Variants in EGFR observed in about 807,000 individuals in gnomAD.
EGFR encodes the protein epidermal growth factor receptor.
Under a neutral mutation model 143.0 loss-of-function variants are expected in EGFR, and 58 were observed. The ratio of observed to expected loss-of-function variants is 0.41; its 90% CI spans 0.33 to 0.50. The LOEUF (loss-of-function observed/expected upper bound fraction) is 0.50, where lower values mean the gene tolerates loss of function less well. EGFR is among the 20% of genes least tolerant of loss of function. The probability of loss-of-function intolerance (pLI) is 0.39; values close to 1 mark genes in which losing one functional copy is unlikely to be tolerated. For missense variants in EGFR, 1,307 were observed against 1,579.0 expected, an observed-to-expected ratio of 0.83 and a Z score of 2.92; for synonymous variants, 613 against 594.4, an observed-to-expected ratio of 1.03 and a Z score of -0.45.
chr7:55,204,868 CACAT>C (rs1464502172), intron 27 of EGFR, among the ~76,000 whole-genome samples: 4 of 151,328 alleles, frequency 2.6e-5, no homozygotes, highest in Admixed American at 6.6e-5. Flanking sequence ...ACACCACACA[CACAT>C]ACAAATATAC....
chr7:55,120,554 T>C (rs1238101261), intron 1 of EGFR, among the ~76,000 whole-genome samples: 3 of 152,170 alleles, frequency 2.0e-5, no homozygotes, highest in South Asian at 4.1e-4. Context: ...TGGGTGGTGG[T>C]GGGAGAAATA....
intron 1 of EGFR, among the ~76,000 whole-genome samples, chr7:55,126,015 G>T (rs74995732): frequency 3.3e-5 from 5 of 152,062 alleles, no homozygotes; most frequent in Non-Finnish European, 7.4e-5. Flanking sequence ...GCCTTTCACA[G>T]TCCCTCTCCT....
chr7:55,048,235 C>T (rs1338717540), intron 1 of EGFR, among the ~76,000 whole-genome samples: 3 of 152,110 alleles, frequency 2.0e-5, no homozygotes, highest in Admixed American at 6.5e-5. Context: ...ATGACACATG[C>T]CTTGCTCTGG....
At chr7:55,136,191 A>G (rs940510578) in intron 1 of EGFR, among the ~76,000 whole-genome samples, 1 of 152,230 alleles carries the variant, frequency 6.6e-6, no homozygotes, top group Non-Finnish European at 1.5e-5. Flanking sequence ...TATTTTCCTT[A>G]CATATTTTTA....
intron 1 of EGFR, among the ~76,000 whole-genome samples, chr7:55,131,542 C>A (rs559921041): frequency 1.3e-5 from 2 of 152,306 alleles, no homozygotes; most frequent in South Asian, 4.2e-4. Flanking sequence ...CAGCACCATG[C>A]GAGCTTAGAC....
At chr7:55,063,920 T>C (rs1400359283) in intron 1 of EGFR, among the ~76,000 whole-genome samples, 1 of 152,240 alleles carries the variant, frequency 6.6e-6, no homozygotes, top group Non-Finnish European at 1.5e-5. Flanking sequence ...ATACTGTGTA[T>C]GTCTCTTCTT....
At chr7:55,176,954 T>C (rs1027359812) in intron 19 of EGFR, among the ~76,000 whole-genome samples, 1 of 149,202 alleles carries the variant, frequency 6.7e-6, no homozygotes, top group African/African-American at 2.4e-5. Flanking sequence ...TAAATATATA[T>C]ATATCCCTAA....
At chr7:55,204,736 CAACT>C (rs1788038653) in intron 27 of EGFR, among the ~76,000 whole-genome samples, 5 of 146,514 alleles carry the variant, frequency 3.4e-5, no homozygotes, top group African/African-American at 1.3e-4. Flanking sequence ...CACACACACA[CAACT>C]CATACCACAC....
At chr7:55,030,586 G>A (rs951441421) in intron 1 of EGFR, among the ~76,000 whole-genome samples, 17 of 152,190 alleles carry the variant, frequency 1.1e-4, no homozygotes, top group African/African-American at 4.1e-4. Context: ...GAAAGGAGAA[G>A]GCAACTTGAT....
At chr7:55,036,565 A>G (rs947087674) in intron 1 of EGFR, among the ~76,000 whole-genome samples, 4 of 152,182 alleles carry the variant, frequency 2.6e-5, no homozygotes, top group Non-Finnish European at 5.9e-5. Flanking sequence ...TTTGGTAGAG[A>G]AGATAGAAAA....
At chr7:55,126,209 G>A (rs1023208208) in intron 1 of EGFR, among the ~76,000 whole-genome samples, 3 of 152,192 alleles carry the variant, frequency 2.0e-5, no homozygotes, top group African/African-American at 7.2e-5. Context: ...ATGTTGTGAT[G>A]ATTCAGTGAA....
At chr7:55,093,463 G>A (rs7799627) in intron 1 of EGFR, among the ~76,000 whole-genome samples, 106,694 of 152,112 alleles carry the variant, frequency 0.7, 37,794 homozygotes, top group East Asian at 0.97. Flanking sequence ...GTGACTGTGT[G>A]AGCGAATTCA....
chr7:55,080,760 A>G (rs1374440770), intron 1 of EGFR, among the ~76,000 whole-genome samples: 1 of 152,266 alleles, frequency 6.6e-6, no homozygotes, highest in African/African-American at 2.4e-5. Flanking sequence ...TAGCCATTCC[A>G]CAATGGATAC....
chr7:55,192,977 T>A, intron 22 of EGFR, 136 bp downstream of exon 22: 3 of 838,180 alleles, frequency 3.6e-6, no homozygotes, highest in Non-Finnish European at 3.9e-6. Flanking sequence ...TAATCATTGC[T>A]GTCTATCTAT....
At chr7:55,121,775 C>T (rs571638931) in intron 1 of EGFR, among the ~76,000 whole-genome samples, 1 of 152,292 alleles carries the variant, frequency 6.6e-6, no homozygotes, top group Non-Finnish European at 1.5e-5. Context: ...TTACTAGAAT[C>T]GAAAAGCATT....
At chr7:55,161,696 G>A (rs1423592596) in intron 13 of EGFR, 65 bp downstream of exon 13, 32 of 1,611,416 alleles carry the variant, frequency 2.0e-5, no homozygotes, top group Non-Finnish European at 2.7e-5. Flanking sequence ...TGTTGTTATA[G>A]CTTTACAGGC....
intron 7 of EGFR, among the ~76,000 whole-genome samples, chr7:55,155,043 A>G (rs894861506): frequency 6.6e-6 from 1 of 152,256 alleles, no homozygotes; most frequent in African/African-American, 2.4e-5. Context: ...TAAAATCCAT[A>G]GGAAAACACT....
chr7:55,043,407 G>A (rs1421076924), intron 1 of EGFR, among the ~76,000 whole-genome samples: 3 of 152,134 alleles, frequency 2.0e-5, no homozygotes, highest in East Asian at 3.9e-4. Flanking sequence ...CACCCAGGCT[G>A]GAGTGCAGTG....
intron 7 of EGFR, among the ~76,000 whole-genome samples, chr7:55,155,470 T>C (rs909999145): frequency 1.3e-5 from 2 of 151,988 alleles, no homozygotes; most frequent in Non-Finnish European, 2.9e-5. Context: ...GACATAGAGC[T>C]CCTAAAAATA....
Sources: allele counts gnomAD v4.1 joint callset (sites outside exome capture counted in the v4.1 genomes callset), GRCh38; gene constraint gnomAD v4.1.1; transcripts MANE v1.5; gene names NCBI Gene and HGNC (gene_info 2026-07-23, HGNC 2026-07-21).